Variants in ARFGEF3 observed in about 807,000 individuals in gnomAD.
ARFGEF3 encodes the protein ARFGEF family member 3, also known as brefeldin A-inhibited guanine nucleotide-exchange protein 3.
ARFGEF3 carries 96 observed loss-of-function variants against 221.7 expected under a neutral mutation model. The ratio of observed to expected loss-of-function variants is 0.43; its 90% confidence interval spans 0.37 to 0.51. The LOEUF (loss-of-function observed/expected upper bound fraction) is 0.51, where lower values mean the gene tolerates loss of function less well. Among genes scored for constraint, ARFGEF3 ranks in the 20% least tolerant of loss-of-function variants. The pLI, the probability that ARFGEF3 is intolerant of heterozygous loss-of-function variation, is 0.00. For synonymous variants in ARFGEF3, 1,145 were observed against 1,126.8 expected, an observed-to-expected ratio of 1.02 and a Z score of -0.32; for missense variants, 2,410 against 2,789.9, an observed-to-expected ratio of 0.86 and a Z score of 3.07.
intron 2 of ARFGEF3, among the ~76,000 whole-genome samples, chr6:138,171,916 G>A (rs1369487027): frequency 6.6e-6 from 1 of 152,028 alleles, no homozygotes; most frequent in Admixed American, 6.6e-5. Context: ...GCTGTTTCCA[G>A]GGTTTTCTTT....
At chr6:138,215,950 T>G (rs1777840978) in intron 4 of ARFGEF3, 1 of 145,882 alleles carries the variant, frequency 6.9e-6, no homozygotes, top group African/African-American at 2.6e-5. Context: ...TACCATTGGT[T>G]TTTTGGTTTT....
In ARFGEF3 at chr6:138,255,727, C is replaced by A; in HGVS notation, c.1062C>A (p.Pro354=). The part of the protein sequence containing the change: ...QSLYHRVLLY[P]PPQHRVEAIK... ...TCTACCACCGAGTGCTGCTCTACCC[C>A]CCACCCCAGCACCGGGTGGAAGCCA... The change falls in exon 10 of 34, where the codon CCC becomes CCA. Residue 354 remains proline (P), a synonymous_variant. Coordinates refer to ENST00000251691, the MANE Select transcript of ARFGEF3 (RefSeq NM_020340.5). 6.2e-7 allele frequency: 1 copy of A among 1,602,306 alleles called. No individual in the cohort carries two copies. The highest frequency in any genetic ancestry group is 8.5e-7 in the Non-Finnish European group (1 of 1,171,848).
In ARFGEF3 at chr6:138,206,213, G is replaced by A. The variant is rs76701774; in HGVS notation, c.138-829G>A. Among the ~76,000 whole-genome samples, 654 of 152,244 alleles carry A rather than the reference G, an allele frequency of 4.3e-3. 6 individuals carry two copies. Among genetic ancestry groups the A allele is most frequent in the African/African-American group, 0.015 (620 of 41,542 alleles). Reference sequence around the variant, plus strand: ...AATAATGGGTTGATTAAAATTCTTGGTCTGTCGTTTAATTATTTAGAGTAG... The same window carrying A: ...AATAATGGGTTGATTAAAATTCTTGATCTGTCGTTTAATTATTTAGAGTAG... On this transcript the variant is annotated intron_variant, in intron 2 of 33. Transcript: ENST00000251691.
chr6:138,321,316 T>C, intron 29 of ARFGEF3, 91 bp downstream of exon 29: 1 of 706,710 alleles, frequency 1.4e-6, no homozygotes, highest in Non-Finnish European at 2.4e-6. Context: ...AGGAATCGAC[T>C]TTTTGGATTG....
In ARFGEF3 at chr6:138,207,098, C is replaced by A; in HGVS notation, c.194C>A (p.Ala65Asp). 6.2e-7 allele frequency: 1 copy of A among 1,611,114 alleles called. No homozygotes were observed. The highest frequency in any genetic ancestry group is 8.5e-7 in the Non-Finnish European group (1 of 1,178,810). ...TTGGAATCCAAGAATGTGAAGCTGG[C>A]CCAACATGCTTTGGCAGGGATGCAG... ...LALESKNVKL[A>D]QHALAGMQKL... Residue 65 changes from alanine (A) to aspartate (D), a missense_variant, in exon 3 of 34, where the codon GCC (alanine) becomes GAC (aspartate). Physicochemically the swap from Ala to Asp is moderately radical, Grantham distance 126. This residue lies in a region of ARFGEF3 where 570 missense variants were observed against 586.9 expected (regional missense o/e 0.97). Transcript: ENST00000251691.
intron 14 of ARFGEF3, among the ~76,000 whole-genome samples, chr6:138,282,365 T>A (rs1187565909): frequency 6.6e-6 from 1 of 152,208 alleles, no homozygotes; most frequent in Non-Finnish European, 1.5e-5. Flanking sequence ...CAGCTCGGCA[T>A]TGCTCTGTGC....
intron 31 of ARFGEF3, among the ~76,000 whole-genome samples, chr6:138,325,005 C>T (rs973656278): frequency 6.6e-6 from 1 of 152,234 alleles, no homozygotes; most frequent in African/African-American, 2.4e-5. Context: ...TTCCAATAAC[C>T]ATTGACTGGC....
At chr6:138,188,746 C>T (rs1342523376) in intron 2 of ARFGEF3, among the ~76,000 whole-genome samples, 3 of 152,224 alleles carry the variant, frequency 2.0e-5, no homozygotes, top group African/African-American at 7.2e-5. Context: ...CACATAGTGC[C>T]AGACCTGAGG....
At position 138,335,115 on chromosome 6, in the gene ARFGEF3, A is replaced by T; in HGVS notation, c.6269A>T (p.Asp2090Val). The change falls in exon 33 of 34, where the codon GAC (aspartate) becomes GTC (valine). Residue 2090 changes from aspartate to valine, a missense_variant. By Grantham distance (152) the Asp-to-Val change is radical. Around this residue, in one of 5 missense-constraint regions of ARFGEF3, gnomAD observed 339 missense variants for 334.9 expected, o/e 1.01. Coordinates refer to ENST00000251691, the MANE Select transcript of ARFGEF3 (RefSeq NM_020340.5). ...FSAGPELLRQ[D>V]KRPRSGSTGS... ...GCAGGCCCCGAGCTGCTGCGACAGG[A>T]CAAGAGGCCCCGCTCAGGCTCCACC... 1 of 1,600,962 alleles carries T rather than the reference A, an allele frequency of 6.2e-7. No individual in the cohort carries two copies.
chr6:138,300,667 A>G (rs1226869763), intron 22 of ARFGEF3, among the ~76,000 whole-genome samples: 1 of 152,258 alleles, frequency 6.6e-6, no homozygotes. Flanking sequence ...AAAAACCGCA[A>G]TTACTTTTGC....
chr6:138,199,803 C>T (rs1227503612), intron 2 of ARFGEF3, among the ~76,000 whole-genome samples: 1 of 152,114 alleles, frequency 6.6e-6, no homozygotes, highest in African/African-American at 2.4e-5. Flanking sequence ...TCGAGGTAAA[C>T]GATCATACCA....
intron 2 of ARFGEF3, among the ~76,000 whole-genome samples, chr6:138,203,998 C>T (rs1229375355): frequency 2.6e-5 from 4 of 152,082 alleles, no homozygotes; most frequent in African/African-American, 7.2e-5. Flanking sequence ...CTATGACCTT[C>T]CCAGGACAGT....
At chr6:138,295,175 AAG>A (rs1365052314) in intron 20 of ARFGEF3, among the ~76,000 whole-genome samples, 1 of 152,168 alleles carries the variant, frequency 6.6e-6, no homozygotes, top group African/African-American at 2.4e-5. Context: ...TAAATCTAGA[AAG>A]AGGGAGACTT....
In ARFGEF3 at chr6:138,340,560, G is replaced by GGGA. The variant is rs1308818587; in HGVS notation, c.*4080_*4082dup. The GGGA allele has an allele frequency of 6.6e-6, 1 of 152,180 alleles. No homozygotes were observed. Among genetic ancestry groups the GGGA allele is most frequent in the Non-Finnish European group, 1.5e-5 (1 of 68,034 alleles). The allele number at this position is 152,180 out of a possible 1,614,324, so 9.4% of individuals were successfully genotyped here. ...TAATAGCAAGAGGTTACAAATAGCA[G>GGGA]GGAGGAGGCGAGTAGTGAATGTCAC... is the stretch of plus-strand genomic sequence containing the variant. On this transcript the variant is annotated 3_prime_UTR_variant, in exon 34 of 34. Transcript: ENST00000251691.
intron 26 of ARFGEF3, 141 bp downstream of exon 26, chr6:138,314,080 T>C (rs1369342525): frequency 1.1e-6 from 1 of 907,132 alleles, no homozygotes; most frequent in Admixed American, 3.1e-5. Context: ...TTGAGAGTGA[T>C]AAATAGCAGA....
Position 138,335,205 on chromosome 6 carries a change from A to G in ARFGEF3, c.6342+17A>G. On this transcript the variant is annotated intron_variant, in intron 33 of 33. Coordinates refer to ENST00000251691, the MANE Select transcript of ARFGEF3 (RefSeq NM_020340.5). ...CAGATCCAGGTACATCCCTGTGGCC[A>G]CAGCAGGTGGGCGGGAGGCTGGGTT... The G allele has an allele frequency of 1.3e-6, 2 of 1,510,358 alleles. No homozygotes were observed. The highest frequency in any genetic ancestry group is 2.3e-5 in the East Asian group (1 of 43,946). 93.6% of individuals were successfully genotyped at this position (1,510,358 alleles called of 1,614,324 possible). A position where few individuals can be genotyped will look rare whatever the true frequency, so the allele number is the denominator to read the frequency against.
intron 29 of ARFGEF3, 56 bp downstream of exon 29, chr6:138,321,281 A>G (rs938027231): frequency 1.0e-6 from 1 of 994,158 alleles, no homozygotes; most frequent in Non-Finnish European, 1.5e-6. Flanking sequence ...TTAAAAATCT[A>G]AAGAAATTAA....
At chr6:138,224,387 T>C (rs1182787776) in intron 4 of ARFGEF3, among the ~76,000 whole-genome samples, 1 of 152,212 alleles carries the variant, frequency 6.6e-6, no homozygotes, top group African/African-American at 2.4e-5. Flanking sequence ...ATAATTTCCC[T>C]AACTAGATCA....
At chr6:138,314,805 G>C (rs1779891173) in intron 26 of ARFGEF3, among the ~76,000 whole-genome samples, 1 of 152,154 alleles carries the variant, frequency 6.6e-6, no homozygotes, top group African/African-American at 2.4e-5. Context: ...TGAACTTCGG[G>C]GGAAATATTC....
Sources: allele counts gnomAD v4.1 joint callset (sites outside exome capture counted in the v4.1 genomes callset), GRCh38; gene constraint gnomAD v4.1.1; regional missense constraint gnomAD v4.1.1; transcripts MANE v1.5; gene names NCBI Gene and HGNC (gene_info 2026-07-23, HGNC 2026-07-21).